SULF1: variants seen among roughly 807,000 people sequenced by gnomAD.
SULF1 encodes the protein extracellular sulfatase Sulf-1.
A neutral mutation model predicts 110.5 loss-of-function variants in SULF1; 46 were observed. The ratio of observed to expected loss-of-function variants is 0.42; its 90% confidence interval spans 0.33 to 0.53. The LOEUF (loss-of-function observed/expected upper bound fraction) is 0.53. Among genes scored for constraint, SULF1 ranks in the 20% least tolerant of loss-of-function variants. The pLI, the probability that SULF1 is intolerant of heterozygous loss-of-function variation, is 0.12. For synonymous variants in SULF1, 371 were observed against 387.1 expected (o/e 0.96, Z 0.49); for missense variants, 941 against 1,094.2 (o/e 0.86, Z 1.98).
At chr8:69,498,809 G>A (rs371434713) in intron 2 of SULF1, among the ~76,000 whole-genome samples, 32 of 152,314 alleles carry the variant, frequency 2.1e-4, no homozygotes, top group East Asian at 3.9e-4. Context: ...AAGCTGGCCT[G>A]AGGAAACATT....
At chr8:69,516,891 C>G (rs1200263080) in intron 3 of SULF1, among the ~76,000 whole-genome samples, 1 of 152,080 alleles carries the variant, frequency 6.6e-6, no homozygotes, top group Non-Finnish European at 1.5e-5. Flanking sequence ...TCCTAAAAAC[C>G]TAAGCATAAA....
At chr8:69,627,663 C>T (rs1810200231) in intron 16 of SULF1, 109 bp from the exon 17 acceptor site, 6 of 758,612 alleles carry the variant, frequency 7.9e-6, no homozygotes, top group Non-Finnish European at 1.4e-5. Flanking sequence ...AGTATCATCT[C>T]AGATGAATAG....
At chr8:69,645,717 G>C (rs896575775) in intron 22 of SULF1, among the ~76,000 whole-genome samples, 1 of 149,268 alleles carries the variant, frequency 6.7e-6, no homozygotes, top group South Asian at 2.1e-4. Flanking sequence ...GGCAAGACTC[G>C]TGTGGGGACT....
chr8:69,602,159 T>TA (rs576703284), intron 10 of SULF1, among the ~76,000 whole-genome samples: 20 of 149,160 alleles, frequency 1.3e-4, no homozygotes, highest in Admixed American at 2.0e-4. Context: ...CGCTGTCATT[T>TA]AAAAAAAAAA....
chr8:69,576,870 G>A (rs753079570), intron 6 of SULF1, among the ~76,000 whole-genome samples: 7 of 152,192 alleles, frequency 4.6e-5, no homozygotes, highest in Non-Finnish European at 7.3e-5. Context: ...TTATTCATAA[G>A]AATCAAATAT....
chr8:69,585,199 A>G (rs1806363375), intron 6 of SULF1, among the ~76,000 whole-genome samples: 1 of 152,182 alleles, frequency 6.6e-6, no homozygotes, highest in South Asian at 2.1e-4. Context: ...ACACATGCTT[A>G]TACCTATACA....
chr8:69,610,692 CA>C (rs1808576262), intron 13 of SULF1, among the ~76,000 whole-genome samples: 1 of 152,048 alleles, frequency 6.6e-6, no homozygotes, highest in Non-Finnish European at 1.5e-5. Context: ...CTAAACAAGT[CA>C]AAAAAAGACA....
At chr8:69,616,199 T>C (rs532532547) in intron 13 of SULF1, among the ~76,000 whole-genome samples, 2 of 142,232 alleles carry the variant, frequency 1.4e-5, no homozygotes, top group African/African-American at 5.3e-5. Flanking sequence ...TATACACATA[T>C]ATATGTGTGT....
At chr8:69,593,370 G>A (rs1807046985) in intron 8 of SULF1, among the ~76,000 whole-genome samples, 1 of 152,218 alleles carries the variant, frequency 6.6e-6, no homozygotes, top group Non-Finnish European at 1.5e-5. Flanking sequence ...ATATTTGACA[G>A]GCCCTGCAAA....
chr8:69,504,351 C>T (rs538411098), intron 3 of SULF1, among the ~76,000 whole-genome samples: 9 of 151,958 alleles, frequency 5.9e-5, no homozygotes, highest in East Asian at 3.9e-4. Context: ...GTCAGGAGTT[C>T]GAGACCAGCC....
chr8:69,612,926 G>C (rs951635014), intron 13 of SULF1, among the ~76,000 whole-genome samples: 1 of 151,976 alleles, frequency 6.6e-6, no homozygotes, highest in Non-Finnish European at 1.5e-5. Context: ...TGAGTTCTTT[G>C]CCTAAGCCAA....
At chr8:69,526,788 G>A (rs2150629124) in intron 3 of SULF1, among the ~76,000 whole-genome samples, 1 of 97,498 alleles carries the variant, frequency 1.0e-5, no homozygotes, top group African/African-American at 3.7e-5. Flanking sequence ...GAGACCCTGT[G>A]TCAAGAAAGA....
chr8:69,569,784 G>C (rs1049924938), intron 5 of SULF1, among the ~76,000 whole-genome samples: 1 of 152,064 alleles, frequency 6.6e-6, no homozygotes, highest in Non-Finnish European at 1.5e-5. Context: ...GAGTCTTAGT[G>C]ATCTGGAAAC....
chr8:69,513,648 G>A (rs145401443), intron 3 of SULF1, among the ~76,000 whole-genome samples: 6 of 152,330 alleles, frequency 3.9e-5, no homozygotes, highest in Non-Finnish European at 5.9e-5. Flanking sequence ...CCTGAAATGA[G>A]GTAATTTAAT....
intron 6 of SULF1, among the ~76,000 whole-genome samples, chr8:69,577,895 G>A (rs563139228): frequency 9.2e-4 from 140 of 152,230 alleles, no homozygotes; most frequent in Non-Finnish European, 1.5e-3. Flanking sequence ...TTTATGTAAT[G>A]ATTCTCTTCT....
rs577081540 is a variant in SULF1, at chr8:69,624,097, C to G, written c.1750C>G (p.Pro584Ala). 6.2e-7 allele frequency: 1 copy of G among 1,614,022 alleles called. No individual in the cohort carries two copies. The highest frequency in any genetic ancestry group is 1.1e-5 in the South Asian group (1 of 91,048). Residue 584 changes from proline to alanine, a missense_variant, in exon 15 of 23, where the codon CCA (proline) becomes GCA (alanine). Around this residue, in one of 3 missense-constraint regions of SULF1, gnomAD observed 822 missense variants for 934.3 expected, o/e 0.88. Coordinates refer to ENST00000402687, the MANE Select transcript of SULF1 (RefSeq NM_001128205.2). Reference protein sequence around the residue: ...AKRHDEGHKGPRDLQASSGGN... With the variant: ...AKRHDEGHKGARDLQASSGGN... ...GCGTCATGATGAAGGCCACAAGGGG[C>G]CAAGAGATCTCCAGGCTTCCAGTGG...
chr8:69,544,835 T>C (rs1814134537), intron 3 of SULF1, among the ~76,000 whole-genome samples: 1 of 152,080 alleles, frequency 6.6e-6, no homozygotes, highest in Non-Finnish European at 1.5e-5. Context: ...GGTAAGAAAA[T>C]ATAGAATATT....
intron 9 of SULF1, 27 bp from the exon 10 acceptor site, chr8:69,601,627 C>T (rs1229622113): frequency 1.3e-6 from 2 of 1,576,894 alleles, no homozygotes; most frequent in Admixed American, 3.5e-5. Context: ...ACAATTGATT[C>T]TGACTTGTTC....
At chr8:69,650,323 T>C (rs1397225610) in intron 22 of SULF1, among the ~76,000 whole-genome samples, 1 of 152,048 alleles carries the variant, frequency 6.6e-6, no homozygotes, top group African/African-American at 2.4e-5. Context: ...TCTTAGGTAG[T>C]ATTGTACTGT....
Sources: gnomAD v4.1 joint callset for allele counts (sites outside exome capture counted in the v4.1 genomes callset) on GRCh38, gnomAD v4.1.1 for gene constraint, gnomAD v4.1.1 regional missense constraint, MANE v1.5 for transcripts, NCBI Gene and HGNC (gene_info 2026-07-23, HGNC 2026-07-21) for gene names.